Variants in NTM observed in about 807,000 individuals in gnomAD.
NTM encodes IgLON family member 2.
A neutral mutation model predicts 42.1 loss-of-function variants in NTM; 13 were observed. That is an observed-to-expected ratio of 0.31 (90% CI 0.20 to 0.49). The LOEUF (loss-of-function observed/expected upper bound fraction) is 0.49. Among genes scored for constraint, NTM ranks in the 20% least tolerant of loss-of-function variants. NTM has a pLI of 0.99. For synonymous variants in NTM, 187 were observed against 179.2 expected, an observed-to-expected ratio of 1.04 and a Z score of -0.35; for missense variants, 373 against 452.8, an observed-to-expected ratio of 0.82 and a Z score of 1.60.
At chr11:131,673,642 G>C (rs141796276) in intron 1 of NTM, among the ~76,000 whole-genome samples, 1 of 152,142 alleles carries the variant, frequency 6.6e-6, no homozygotes, top group Non-Finnish European at 1.5e-5. Flanking sequence ...CTGCAAAAAT[G>C]CTCTTCCATC....
chr11:131,984,512 C>G (rs751680832), intron 2 of NTM: 2 of 152,214 alleles, frequency 1.3e-5, no homozygotes, highest in Non-Finnish European at 2.9e-5. Flanking sequence ...CCTGGCGTCA[C>G]ACACTGGATA....
chr11:131,898,125 A>G (rs2052587547), intron 1 of NTM, among the ~76,000 whole-genome samples: 1 of 152,216 alleles, frequency 6.6e-6, no homozygotes, highest in Admixed American at 6.5e-5. Context: ...GTGGTTAGCT[A>G]TCTCTCCTAA....
In NTM at chr11:131,884,648, G is replaced by A. The variant is rs1040815011; in HGVS notation, c.83-26916G>A. On this transcript the variant is annotated intron_variant, in intron 1 of 8. Coordinates refer to ENST00000683400, the MANE Select transcript of NTM (RefSeq NM_001352005.2). Reference sequence around the variant, plus strand: ...CCTTGGGTCTAGCACAGGGAAACACGGGTCCCAGGGGAAACACCAAGAAGA... The same window carrying A: ...CCTTGGGTCTAGCACAGGGAAACACAGGTCCCAGGGGAAACACCAAGAAGA... Among the ~76,000 whole-genome samples the A allele has an allele frequency of 5.3e-5, 8 of 151,958 alleles. No individual in the cohort carries two copies. In the South Asian group the frequency reaches 1.0e-3, roughly 20 times the overall value.
At chr11:131,783,549 TCTTTTCA>T (rs1441112333) in intron 1 of NTM, among the ~76,000 whole-genome samples, 3 of 152,154 alleles carry the variant, frequency 2.0e-5, no homozygotes, top group Non-Finnish European at 2.9e-5. Context: ...AAAAAGATTC[TCTTTTCA>T]ATGTATGGTG....
intron 1 of NTM, among the ~76,000 whole-genome samples, chr11:131,492,882 C>T (rs1396614257): frequency 6.6e-6 from 1 of 152,012 alleles, no homozygotes; most frequent in Non-Finnish European, 1.5e-5. Context: ...TGTTTGGCCT[C>T]TTGTCTAGGA....
intron 1 of NTM, among the ~76,000 whole-genome samples, chr11:131,880,704 G>T (rs1209775582): frequency 6.6e-6 from 1 of 152,150 alleles, no homozygotes; most frequent in Non-Finnish European, 1.5e-5. Context: ...ACTCTCATTT[G>T]CCTCCGGCGT....
Position 132,063,167 on chromosome 11 carries a change from ACT to A in NTM, c.168-83111_168-83110del, listed in dbSNP as rs2080940032. Among the ~76,000 whole-genome samples, 12 of 151,300 alleles carry A rather than the reference ACT, an allele frequency of 7.9e-5. No homozygotes were observed. In the South Asian group the frequency reaches 2.5e-3, roughly 32 times the overall value. On this transcript the variant is annotated intron_variant, in intron 2 of 8. Transcript: ENST00000683400. ...CTCATGTGGTAGAAGGGGCAAGGGG[ACT>A]CTCCTCTCCCTTTTGGGAGCCTCTG...
intron 1 of NTM, among the ~76,000 whole-genome samples, chr11:131,673,937 CAA>C (rs774601705): frequency 1.3e-5 from 2 of 152,182 alleles, no homozygotes; most frequent in Non-Finnish European, 2.9e-5. Flanking sequence ...AAAGGCGGCA[CAA>C]AGAGAAAGAG....
At chr11:131,552,954 C>CA in intron 1 of NTM, among the ~76,000 whole-genome samples, 1 of 152,250 alleles carries the variant, frequency 6.6e-6, no homozygotes, top group African/African-American at 2.4e-5. Context: ...CTACGTATCA[C>CA]AAAAAAGACT....
chr11:131,982,791 T>C (rs770123038), intron 2 of NTM, among the ~76,000 whole-genome samples: 101 of 152,228 alleles, frequency 6.6e-4, no homozygotes, highest in Admixed American at 1.3e-3. Context: ...TCCTTGTTAG[T>C]AACTCAGAGC....
At chr11:131,628,719 A>G (rs561846983) in intron 1 of NTM, among the ~76,000 whole-genome samples, 24 of 152,282 alleles carry the variant, frequency 1.6e-4, no homozygotes, top group African/African-American at 5.8e-4. Flanking sequence ...AGACCAAGGG[A>G]CACCTGAGTT....
At chr11:132,099,451 C>G (rs559667896) in intron 2 of NTM, among the ~76,000 whole-genome samples, 8 of 152,130 alleles carry the variant, frequency 5.3e-5, no homozygotes, top group Non-Finnish European at 1.2e-4. Context: ...AAAAATCATT[C>G]CATTGATTTC....
At chr11:131,853,387 C>T (rs2045783494) in intron 1 of NTM, among the ~76,000 whole-genome samples, 1 of 152,136 alleles carries the variant, frequency 6.6e-6, no homozygotes, top group Non-Finnish European at 1.5e-5. Context: ...TGATCCTCTC[C>T]TTCTTCCTCC....
chr11:131,509,790 A>G (rs1169303868), intron 1 of NTM, among the ~76,000 whole-genome samples: 1 of 152,256 alleles, frequency 6.6e-6, no homozygotes, highest in African/African-American at 2.4e-5. Context: ...TAGAGCTCAA[A>G]GAGGTAAAGG....
intron 1 of NTM, among the ~76,000 whole-genome samples, chr11:131,849,405 A>G (rs1274529369): frequency 6.6e-6 from 1 of 152,076 alleles, no homozygotes; most frequent in Non-Finnish European, 1.5e-5. Context: ...TCATGACAGA[A>G]GGTGAAGTGG....
intron 1 of NTM, among the ~76,000 whole-genome samples, chr11:131,394,132 C>A (rs1565458263): frequency 6.6e-6 from 1 of 152,186 alleles, no homozygotes; most frequent in African/African-American, 2.4e-5. Context: ...TAATGACTTG[C>A]AGGGGAAAGC....
At chr11:132,052,102 G>A (rs1468272635) in intron 2 of NTM, among the ~76,000 whole-genome samples, 1 of 152,116 alleles carries the variant, frequency 6.6e-6, no homozygotes, top group Non-Finnish European at 1.5e-5. Flanking sequence ...AATTATTAAA[G>A]GAAAGTAAAA....
chr11:131,811,770 G>T (rs2092739716), intron 1 of NTM, among the ~76,000 whole-genome samples: 1 of 152,204 alleles, frequency 6.6e-6, no homozygotes, highest in South Asian at 2.1e-4. Flanking sequence ...TATGTGAGGG[G>T]AAGATAAGAG....
At chr11:131,461,270 T>G (rs1455292535) in intron 1 of NTM, among the ~76,000 whole-genome samples, 4 of 152,202 alleles carry the variant, frequency 2.6e-5, no homozygotes, top group Admixed American at 2.6e-4. Flanking sequence ...TGTTGCAAAG[T>G]AGAATGTCTA....
Sources: gnomAD v4.1 joint callset for allele counts (sites outside exome capture counted in the v4.1 genomes callset) on GRCh38, gnomAD v4.1.1 for gene constraint, MANE v1.5 for transcripts, NCBI Gene and HGNC (gene_info 2026-07-23, HGNC 2026-07-21) for gene names.